The following LAMA5 variants were observed in gnomAD, a reference collection of about 807,000 sequenced individuals.
LAMA5 encodes the protein laminin subunit alpha 5.
Under a neutral mutation model 433.4 loss-of-function variants are expected in LAMA5, and 260 were observed. The ratio of observed to expected loss-of-function variants is 0.60; its 90% CI spans 0.54 to 0.66. The LOEUF is 0.66. LAMA5 is among the 30% of genes least tolerant of loss of function. The pLI is 0.00. For synonymous variants in LAMA5, 2,620 were observed against 2,226.6 expected, an observed-to-expected ratio of 1.18 and a Z score of -4.97; for missense variants, 5,378 against 5,258.5, an observed-to-expected ratio of 1.02 and a Z score of -0.70.
At chr20:62,341,663 G>C (rs1007946590) in intron 11 of LAMA5, among the ~76,000 whole-genome samples, 4 of 152,040 alleles carry the variant, frequency 2.6e-5, no homozygotes, top group Admixed American at 2.6e-4. Context: ...TTTTAAAAAA[G>C]TGATAAATCA....
intron 11 of LAMA5, among the ~76,000 whole-genome samples, chr20:62,340,127 G>A (rs1246761904): frequency 2.6e-5 from 4 of 152,002 alleles, no homozygotes; most frequent in African/African-American, 7.3e-5. Flanking sequence ...AGCAGGTAAC[G>A]TGTCCTGGAG....
In LAMA5 at chr20:62,328,600, T is replaced by G. The variant is rs189160487; in HGVS notation, c.4448-155A>C. Reference sequence around the variant, plus strand: ...CGGGTGCTGAGCCTTGGACAGCTCCTGACATGGAGGCAGCTGCTCAGAATC... The same window carrying G: ...CGGGTGCTGAGCCTTGGACAGCTCCGGACATGGAGGCAGCTGCTCAGAATC... On this transcript the variant is annotated intron_variant, in intron 34 of 79. Coordinates refer to ENST00000252999, the MANE Select transcript of LAMA5 (RefSeq NM_005560.6). Among the ~76,000 whole-genome samples, 1,042 of 151,778 alleles carry G rather than the reference T, an allele frequency of 6.9e-3. 11 individuals are homozygous for G. Among genetic ancestry groups the G allele is most frequent in the African/African-American group, 0.023 (965 of 41,226 alleles).
chr20:62,356,685 G>A (rs557040860), intron 2 of LAMA5, among the ~76,000 whole-genome samples: 1 of 152,288 alleles, frequency 6.6e-6, no homozygotes, highest in South Asian at 2.1e-4. Context: ...ACGGGGCCCA[G>A]GACCCAGGGC....
chr20:62,309,733 T>C lies in LAMA5; in HGVS notation c.10931A>G (p.Tyr3644Cys). 1 of 1,599,044 alleles carries C rather than the reference T, an allele frequency of 6.3e-7. No homozygotes were observed. Among genetic ancestry groups the C allele is most frequent in the Non-Finnish European group, 8.5e-7 (1 of 1,175,172 alleles). The change falls in exon 79 of 80, where the codon TAC becomes TGC. Residue 3644 changes from tyrosine (Y) to cysteine (C), a missense_variant. By Grantham distance (194) the Tyr-to-Cys change is radical (BLOSUM62 -2). Coordinates refer to ENST00000252999, the MANE Select transcript of LAMA5 (RefSeq NM_005560.6). The part of the protein sequence containing the change: ...AAAAGAPAPL[Y>C]LGGLPEPMAV... The stretch of plus-strand genomic sequence containing the variant: ...GCACTCACCAGGCAGGCCCCCGAGG[T>C]ACAGAGGGGCTGGGGCACCAGCTGC...
chr20:62,349,293 A>G (rs1983835599), intron 6 of LAMA5, among the ~76,000 whole-genome samples: 1 of 146,802 alleles, frequency 6.8e-6, no homozygotes, highest in Non-Finnish European at 1.5e-5. Context: ...AAAAAAAAAA[A>G]GCGTGAGTCC....
chr20:62,310,743 G>A lies in LAMA5; in HGVS notation c.10368C>T (p.His3456=), dbSNP rs1468632886. The A allele has an allele frequency of 1.9e-6, 3 of 1,575,920 alleles. No individual in the cohort carries two copies. The highest frequency in any genetic ancestry group is 2.6e-6 in the Non-Finnish European group (3 of 1,163,800). The change falls in exon 75 of 80, where the codon CAC becomes CAT. Residue 3456 remains histidine, a synonymous_variant. Transcript: ENST00000252999. ...GGGGCTGGGGGTGCTCTGCCCCCTG[G>A]TGCTGCCGGTGCGGCCCCTCCTGGC... is the stretch of plus-strand genomic sequence containing the variant. ...AWSQEGPHRQ[H]QGAEHPQPHT...
In LAMA5 at chr20:62,328,993, T is replaced by C; in HGVS notation, c.4298A>G (p.Asn1433Ser). The change falls in exon 34 of 80, where the codon AAC (asparagine) becomes AGC (serine). Residue 1433 changes from asparagine (N) to serine (S), a missense_variant. Transcript: ENST00000252999. ...GTGGCAGCCACATGGACGGGCTCCG[T>C]TGTTATAGAAGAGGGAGAGGGAAGC... is the stretch of plus-strand genomic sequence containing the variant. Reference protein sequence around the residue: ...AAASLSLFYNNGARPCGCHEV... With the variant: ...AAASLSLFYNSGARPCGCHEV... 1.2e-6 allele frequency: 2 copies of C among 1,612,386 alleles called. No individual in the cohort carries two copies. The highest frequency in any genetic ancestry group is 2.2e-5 in the East Asian group (1 of 44,850).
chr20:62,318,691 G>T, intron 52 of LAMA5, 41 bp from the exon 53 acceptor site: 1 of 1,598,134 alleles, frequency 6.3e-7, no homozygotes. Flanking sequence ...CTGGAAGCCA[G>T]GCCCCTTCAT....
chr20:62,321,714 A>AGGGGTGGGGCCAGTG (rs1568918834), intron 48 of LAMA5, among the ~76,000 whole-genome samples: 8 of 23,938 alleles, frequency 3.3e-4, no homozygotes, highest in African/African-American at 4.6e-4. Flanking sequence ...CAGGGCCAGC[A>AGGGGTGGGGCCAGTG]GAGGGGTGGG....
intron 58 of LAMA5, 132 bp from the exon 59 acceptor site, chr20:62,315,339 C>T (rs1294011198): frequency 1.1e-5 from 8 of 743,252 alleles, no homozygotes; most frequent in South Asian, 1.9e-5. Flanking sequence ...CCTCACACCC[C>T]GCTGCTCAGT....
intron 11 of LAMA5, among the ~76,000 whole-genome samples, chr20:62,344,501 C>G (rs1399756180): frequency 6.6e-6 from 1 of 152,026 alleles, no homozygotes; most frequent in Non-Finnish European, 1.5e-5. Flanking sequence ...GCTCTGTCAC[C>G]TAGGCTGGAG....
chr20:62,311,154 G>C lies in LAMA5; in HGVS notation c.10088+8C>G. The C allele has an allele frequency of 6.3e-7, 1 of 1,586,070 alleles. No homozygotes were observed. The highest frequency in any genetic ancestry group is 8.6e-7 in the Non-Finnish European group (1 of 1,168,138). On this transcript the variant is annotated splice_region_variant and intron_variant, in intron 73 of 79. Coordinates refer to ENST00000252999, the MANE Select transcript of LAMA5 (RefSeq NM_005560.6). ...CTCTCAGCCCACCCCAGCCGGGCCT[G>C]GCCTTACCAGTTCCTATGTCGGGCC...
rs1326901396 is a variant in LAMA5 at position 62,311,489 on chromosome 20, C to G, written c.9854G>C (p.Ser3285Thr). ...TGCACAGCCCGTGCTCACATTGACG[C>G]TGCCCAGGTTCTGCTGCAGATCAAA... is the stretch of plus-strand genomic sequence containing the variant. ...RVFDLQQNLG[S>T]VNVSTGCAPA... Residue 3285 changes from serine (S) to threonine (T), a missense_variant, in exon 72 of 80, where the codon AGC becomes ACC. Transcript: ENST00000252999. 2 of 1,610,902 alleles carry G rather than the reference C, an allele frequency of 1.2e-6. No homozygotes were observed. Among genetic ancestry groups the G allele is most frequent in the Non-Finnish European group, 8.5e-7 (1 of 1,178,998 alleles).
chr20:62,356,595 C>CAGGGG (rs1985273989), intron 2 of LAMA5: 1 of 152,336 alleles, frequency 6.6e-6, no homozygotes, highest in South Asian at 2.1e-4. Context: ...CCAGCTTGCC[C>CAGGGG]TGGGAGGGCC....
At position 62,317,729 on chromosome 20, in the gene LAMA5, A is replaced by T; in HGVS notation, c.7289T>A (p.Leu2430Gln). 1 of 1,607,616 alleles carries T rather than the reference A, an allele frequency of 6.2e-7. No individual in the cohort carries two copies. Among genetic ancestry groups the T allele is most frequent in the African/African-American group, 1.3e-5 (1 of 74,610 alleles). Residue 2430 changes from leucine to glutamine, a missense_variant, in exon 54 of 80, where the codon CTG becomes CAG. Coordinates refer to ENST00000252999, the MANE Select transcript of LAMA5 (RefSeq NM_005560.6). ...SRDNATLQAT[L>Q]HAARDTLASV... ...GGCCAGGGTGTCCCTAGCCGCATGC[A>T]GAGTGGCCTGCAGGGTGGCATTGTC...
chr20:62,367,116 T>C lies in LAMA5; in HGVS notation c.130A>G (p.Ser44Gly). 1 of 1,276,942 alleles carries C rather than the reference T, an allele frequency of 7.8e-7. No individual in the cohort carries two copies. Among genetic ancestry groups the C allele is most frequent in the Non-Finnish European group, 9.9e-7 (1 of 1,014,828 alleles). The allele number at this position is 1,276,942 out of a possible 1,614,324, so 79.1% of individuals were successfully genotyped here. A position where few individuals can be genotyped will look rare whatever the true frequency, so the allele number is the denominator to read the frequency against. Reference protein sequence around the residue: ...RAREEAGGGFSLHPPYFNLAE... With the variant: ...RAREEAGGGFGLHPPYFNLAE... ...AGGTTGAAGTAGGGCGGGTGCAGGC[T>C]GAAGCCGCCGCCCGCCTCCTCCCGC... Residue 44 changes from serine (S) to glycine (G), a missense_variant, in exon 1 of 80, where the codon AGC becomes GGC. Coordinates refer to ENST00000252999, the MANE Select transcript of LAMA5 (RefSeq NM_005560.6).
chr20:62,336,775 G>A lies in LAMA5; in HGVS notation c.2176C>T (p.His726Tyr). ...NFPYCEAGSC[H>Y]PAGLAPVDPA... ...TCCACTGGGGCCAGACCGGCAGGGT[G>A]GCAAGAGCCAGCTGTGAAGAGAGGA... The change falls in exon 17 of 80, where the codon CAC becomes TAC. Residue 726 changes from histidine (H) to tyrosine (Y), a missense_variant. His to Tyr is a moderately conservative substitution (Grantham distance 83, BLOSUM62 2). Transcript: ENST00000252999. 1.9e-6 allele frequency: 3 copies of A among 1,612,762 alleles called. No individual in the cohort carries two copies. The highest frequency in any genetic ancestry group is 2.5e-6 in the Non-Finnish European group (3 of 1,179,976).
chr20:62,362,308 G>T, intron 2 of LAMA5, 92 bp downstream of exon 2: 1 of 1,268,666 alleles, frequency 7.9e-7, no homozygotes. Flanking sequence ...GCTCACGGTG[G>T]AGACCTCGCC....
At chr20:62,310,608 G>C (rs1259250091) in intron 75 of LAMA5, 36 bp from the exon 76 acceptor site, 1 of 1,578,996 alleles carries the variant, frequency 6.3e-7, no homozygotes, top group South Asian at 1.2e-5. Context: ...CAGGGCCCAG[G>C]GCAGCTGAAA....
Sources: gnomAD v4.1 joint callset for allele counts (sites outside exome capture counted in the v4.1 genomes callset) on GRCh38, gnomAD v4.1.1 for gene constraint, MANE v1.5 for transcripts, NCBI Gene and HGNC (gene_info 2026-07-23, HGNC 2026-07-21) for gene names.